The following ROBO1 variants were observed in gnomAD, a reference collection of about 807,000 sequenced individuals.
The protein encoded by ROBO1 is roundabout guidance receptor 1.
ROBO1 carries 149 observed loss-of-function variants against 195.9 expected under a neutral mutation model. That is an observed-to-expected ratio of 0.76 (90% CI 0.67 to 0.87). The LOEUF is 0.87. Among genes scored for constraint, ROBO1 ranks in the 40% least tolerant of loss-of-function variants. The pLI is 0.00. For synonymous variants in ROBO1, 816 were observed against 733.2 expected (o/e 1.11, Z -1.82); for missense variants, 1,933 against 2,068.3 (o/e 0.93, Z 1.27).
At chr3:79,174,349 A>G (rs998339969) in intron 2 of ROBO1, among the ~76,000 whole-genome samples, 1 of 151,962 alleles carries the variant, frequency 6.6e-6, no homozygotes, top group Non-Finnish European at 1.5e-5. Flanking sequence ...AAAGGTCCGC[A>G]GCTTTACTCC....
intron 2 of ROBO1, among the ~76,000 whole-genome samples, chr3:79,431,909 A>G (rs761489187): frequency 1.2e-4 from 18 of 152,032 alleles, no homozygotes; most frequent in Non-Finnish European, 2.5e-4. Context: ...TCTAGCCTGC[A>G]CTGCTTGGGA....
At chr3:79,337,811 A>G in intron 2 of ROBO1, among the ~76,000 whole-genome samples, 1 of 152,242 alleles carries the variant, frequency 6.6e-6, no homozygotes, top group African/African-American at 2.4e-5. Context: ...ATACAAAATA[A>G]TAAAGGAAGG....
At position 78,947,303 on chromosome 3, in the gene ROBO1, C is replaced by T. The variant is rs140555699; in HGVS notation, c.173-8376G>A. Among the ~76,000 whole-genome samples, 56 of 152,288 alleles carry T rather than the reference C, an allele frequency of 3.7e-4. No homozygotes were observed. The East Asian group carries it at 9.8e-3, about 27-fold the overall frequency. On this transcript the variant is annotated intron_variant, in intron 3 of 30. Transcript: ENST00000464233. Reference sequence around the variant, plus strand: ...GCACTCCTCAGCAAATGTAAAAGAACAGAAATTATAACAAACTGTCTCTCA... The same window carrying T: ...GCACTCCTCAGCAAATGTAAAAGAATAGAAATTATAACAAACTGTCTCTCA...
At chr3:78,651,102 G>T (rs1706624010) in intron 19 of ROBO1, among the ~76,000 whole-genome samples, 1 of 152,060 alleles carries the variant, frequency 6.6e-6, no homozygotes, top group Non-Finnish European at 1.5e-5. Context: ...AATAATAGTG[G>T]CCATGTAAGC....
At chr3:79,557,039 G>C (rs1177167499) in intron 2 of ROBO1, among the ~76,000 whole-genome samples, 2 of 116,366 alleles carry the variant, frequency 1.7e-5, no homozygotes, top group African/African-American at 6.5e-5. Flanking sequence ...TTTTATTTTT[G>C]TGGCAGACTA....
At chr3:79,163,970 T>C (rs1225259496) in intron 2 of ROBO1, among the ~76,000 whole-genome samples, 2 of 152,150 alleles carry the variant, frequency 1.3e-5, no homozygotes, top group Admixed American at 1.3e-4. Flanking sequence ...GATGATTATA[T>C]TGTAAAAATG....
chr3:79,047,446 G>C (rs1370209910), intron 3 of ROBO1, among the ~76,000 whole-genome samples: 1 of 152,072 alleles, frequency 6.6e-6, no homozygotes, highest in Non-Finnish European at 1.5e-5. Flanking sequence ...TTCAGAAATG[G>C]CTTTGGAGTG....
At chr3:79,418,507 T>C (rs1322179836) in intron 2 of ROBO1, among the ~76,000 whole-genome samples, 1 of 152,176 alleles carries the variant, frequency 6.6e-6, no homozygotes, top group Non-Finnish European at 1.5e-5. Context: ...CACCATTCAG[T>C]AGAACAGCTA....
At chr3:79,700,903 G>T (rs1256390260) in intron 1 of ROBO1, among the ~76,000 whole-genome samples, 2 of 151,652 alleles carry the variant, frequency 1.3e-5, no homozygotes, top group Non-Finnish European at 1.5e-5. Flanking sequence ...CTTTCCCAAG[G>T]TCACCATTTT....
chr3:79,004,745 G>A (rs1325686891), intron 3 of ROBO1, among the ~76,000 whole-genome samples: 1 of 152,142 alleles, frequency 6.6e-6, no homozygotes, highest in African/African-American at 2.4e-5. Flanking sequence ...GAGTGTATTC[G>A]TGTGGTTAAA....
intron 4 of ROBO1, among the ~76,000 whole-genome samples, chr3:78,886,943 C>T (rs948256609): frequency 1.3e-5 from 2 of 152,036 alleles, no homozygotes; most frequent in African/African-American, 2.4e-5. Context: ...ATACTAGTTA[C>T]ATAAATGTGC....
intron 8 of ROBO1, among the ~76,000 whole-genome samples, chr3:78,700,809 G>C (rs1021757116): frequency 2.0e-5 from 3 of 150,650 alleles, no homozygotes; most frequent in Non-Finnish European, 4.4e-5. Flanking sequence ...TGTCTCCCAG[G>C]CTGGAGTGCA....
rs530249853 is a variant in ROBO1 at position 78,945,907 on chromosome 3, G to A, written c.173-6980C>T. Among the ~76,000 whole-genome samples the A allele has an allele frequency of 8.6e-5, 13 of 151,940 alleles. No individual in the cohort carries two copies. In the East Asian group the frequency reaches 2.5e-3, roughly 29 times the overall value. On this transcript the variant is annotated intron_variant, in intron 3 of 30. Coordinates refer to ENST00000464233, the MANE Select transcript of ROBO1 (RefSeq NM_002941.4). ...CCGTAGACAATGCAATCAACTGGAA[G>A]AAAGGGTATCAGTGATGGAAGACGA...
chr3:79,538,931 T>G (rs1941969967), intron 2 of ROBO1, among the ~76,000 whole-genome samples: 2 of 152,166 alleles, frequency 1.3e-5, no homozygotes, highest in Non-Finnish European at 2.9e-5. Flanking sequence ...AACATCTGAT[T>G]GAATTTCCGT....
intron 3 of ROBO1, among the ~76,000 whole-genome samples, chr3:79,018,153 C>T (rs1214915573): frequency 6.6e-6 from 1 of 151,052 alleles, no homozygotes; most frequent in African/African-American, 2.4e-5. Flanking sequence ...GTGCCCTGAA[C>T]TTGGCAAAAG....
chr3:79,664,751 G>T (rs1230926437), intron 1 of ROBO1, among the ~76,000 whole-genome samples: 3 of 151,730 alleles, frequency 2.0e-5, no homozygotes, highest in African/African-American at 7.3e-5. Flanking sequence ...TGTCCTCTAT[G>T]CCCTGACATC....
At chr3:78,886,998 T>C (rs2107324953) in intron 4 of ROBO1, among the ~76,000 whole-genome samples, 1 of 152,324 alleles carries the variant, frequency 6.6e-6, no homozygotes, top group East Asian at 1.9e-4. Context: ...AGTTATGTAA[T>C]TTTCTGTATG....
At chr3:78,860,597 A>C (rs568709040) in intron 4 of ROBO1, among the ~76,000 whole-genome samples, 1 of 152,238 alleles carries the variant, frequency 6.6e-6, no homozygotes, top group Non-Finnish European at 1.5e-5. Context: ...GTCTAACCAC[A>C]GATTGACATG....
At position 78,666,636 on chromosome 3, in the gene ROBO1, G is replaced by T. The variant is rs1356198201; in HGVS notation, c.1966+1247C>A. 2.6e-5 allele frequency among the ~76,000 whole-genome samples: 4 copies of T among 152,296 alleles called. No homozygotes were observed. The East Asian group carries it at 7.7e-4, about 29-fold the overall frequency. On this transcript the variant is annotated intron_variant, in intron 14 of 30. Coordinates refer to ENST00000464233, the MANE Select transcript of ROBO1 (RefSeq NM_002941.4). ...GCTCCTGGAGAGGTGATTCATAATA[G>T]CAAATATGAGCTATGGGTGTGTTAC...
Sources: gnomAD v4.1 joint callset for allele counts (sites outside exome capture counted in the v4.1 genomes callset) on GRCh38, gnomAD v4.1.1 for gene constraint, MANE v1.5 for transcripts, NCBI Gene and HGNC (gene_info 2026-07-23, HGNC 2026-07-21) for gene names.